Variants in STX8 observed in about 807,000 individuals in gnomAD.
The protein encoded by STX8 is syntaxin 8.
STX8 carries 23 observed loss-of-function variants against 37.5 expected under a neutral mutation model. The observed-to-expected ratio is 0.61, with a 90% CI of 0.44 to 0.87. The LOEUF (loss-of-function observed/expected upper bound fraction) is 0.87, where lower values mean the gene tolerates loss of function less well. Among genes scored for constraint, STX8 ranks in the 40% least tolerant of loss-of-function variants. STX8 has a pLI of 0.00. For synonymous variants in STX8, 115 were observed against 99.1 expected, an observed-to-expected ratio of 1.16 and a Z score of -0.95; for missense variants, 313 against 284.7, an observed-to-expected ratio of 1.10 and a Z score of -0.71.
chr17:9,341,539 C>T (rs534003578), intron 7 of STX8, among the ~76,000 whole-genome samples: 15 of 152,160 alleles, frequency 9.9e-5, no homozygotes, highest in Non-Finnish European at 2.1e-4. Context: ...TGGGTTCAAG[C>T]GATTCTCCTG....
chr17:9,319,597 G>C (rs533251751), intron 7 of STX8, among the ~76,000 whole-genome samples: 8 of 152,238 alleles, frequency 5.3e-5, no homozygotes, highest in Admixed American at 1.3e-4. Context: ...GAAGCCAGAG[G>C]GTTTGAGGAT....
In STX8 at chr17:9,380,082, G is replaced by A. The variant is rs183350743; in HGVS notation, c.542-1429C>T. Among the ~76,000 whole-genome samples, 411 of 151,926 alleles carry A rather than the reference G, an allele frequency of 2.7e-3. 3 individuals are homozygous for A. The highest frequency in any genetic ancestry group is 9.5e-3 in the African/African-American group (393 of 41,438). ...TAAAATAGCATATATAGTATAGTAC[G>A]ATCTTAACTATGTAAAATTATTTGT... On this transcript the variant is annotated intron_variant, in intron 6 of 7. Transcript: ENST00000306357.
At chr17:9,518,641 G>T (rs1263653850) in intron 4 of STX8, among the ~76,000 whole-genome samples, 1 of 152,100 alleles carries the variant, frequency 6.6e-6, no homozygotes, top group Non-Finnish European at 1.5e-5. Flanking sequence ...GGCCGAGGCG[G>T]GTAGATCACG....
chr17:9,317,270 C>T lies in STX8; in HGVS notation c.643+61282G>A, dbSNP rs910461445. ...GACTACTCAAATCAAGGAAGTAGTA[C>T]GGCCTAGAAAACACATGAGGAAGAG... On this transcript the variant is annotated intron_variant, in intron 7 of 7. Coordinates refer to ENST00000306357, the MANE Select transcript of STX8 (RefSeq NM_004853.3). 6.6e-5 allele frequency among the ~76,000 whole-genome samples: 10 copies of T among 152,154 alleles called. 1 individual carries two copies. In the East Asian group the frequency reaches 1.7e-3, roughly 26 times the overall value.
intron 7 of STX8, among the ~76,000 whole-genome samples, chr17:9,335,813 TCA>T (rs550377071): frequency 4.1e-5 from 6 of 147,132 alleles, no homozygotes; most frequent in African/African-American, 1.5e-4. Flanking sequence ...TCTCTCTCTC[TCA>T]CACACACACA....
At position 9,296,976 on chromosome 17, in the gene STX8, C is replaced by G. The variant is rs1203385200; in HGVS notation, c.644-46331G>C. Among the ~76,000 whole-genome samples, 4 of 152,118 alleles carry G rather than the reference C, an allele frequency of 2.6e-5. No homozygotes were observed. The East Asian group carries it at 7.7e-4, about 29-fold the overall frequency. ...ATATACAGAAAATTACATAAGCTGT[C>G]AAGAGACAAGCTCAATGAATTTACT... On this transcript the variant is annotated intron_variant, in intron 7 of 7. Coordinates refer to ENST00000306357, the MANE Select transcript of STX8 (RefSeq NM_004853.3).
chr17:9,566,129 A>G (rs1159254023), intron 2 of STX8, among the ~76,000 whole-genome samples: 2 of 152,196 alleles, frequency 1.3e-5, no homozygotes, highest in African/African-American at 2.4e-5. Context: ...CCACCCCATT[A>G]AAAAGCAGAC....
intron 1 of STX8, among the ~76,000 whole-genome samples, chr17:9,570,262 A>C (rs1287769689): frequency 2.6e-5 from 4 of 152,118 alleles, no homozygotes; most frequent in Admixed American, 6.6e-5. Context: ...TCTTACTAGA[A>C]TAATTATAGC....
chr17:9,317,990 T>A (rs78482761), intron 7 of STX8, among the ~76,000 whole-genome samples: 1 of 152,176 alleles, frequency 6.6e-6, no homozygotes, highest in Non-Finnish European at 1.5e-5. Flanking sequence ...GAGCTTCCCA[T>A]TGGCCTTTCT....
At chr17:9,573,261 G>T (rs1027466057) in intron 1 of STX8, among the ~76,000 whole-genome samples, 1 of 152,030 alleles carries the variant, frequency 6.6e-6, no homozygotes, top group African/African-American at 2.4e-5. Context: ...CGTCAATACA[G>T]ACCTTAAGTC....
chr17:9,258,325 C>T (rs1460437443), intron 7 of STX8, among the ~76,000 whole-genome samples: 4 of 152,256 alleles, frequency 2.6e-5, no homozygotes, highest in South Asian at 2.1e-4. Context: ...TTTAATCCCA[C>T]GACTGGGCAA....
intron 1 of STX8, among the ~76,000 whole-genome samples, chr17:9,572,511 G>A (rs2151920253): frequency 6.6e-6 from 1 of 152,320 alleles, no homozygotes; most frequent in Admixed American, 6.5e-5. Context: ...CTGGGTTCAA[G>A]TGATTCTCCT....
chr17:9,300,802 T>A (rs1268268458), intron 7 of STX8, among the ~76,000 whole-genome samples: 3 of 151,794 alleles, frequency 2.0e-5, no homozygotes, highest in Non-Finnish European at 4.4e-5. Flanking sequence ...TATGTATTAG[T>A]TATGAGATGG....
intron 7 of STX8, among the ~76,000 whole-genome samples, chr17:9,288,475 C>T (rs1047836084): frequency 3.3e-5 from 5 of 151,696 alleles, no homozygotes; most frequent in African/African-American, 9.7e-5. Flanking sequence ...TCCTGGCTAA[C>T]GCGGTGAAAC....
intron 4 of STX8, among the ~76,000 whole-genome samples, chr17:9,532,456 A>G (rs572539514): frequency 6.6e-6 from 1 of 152,262 alleles, no homozygotes; most frequent in East Asian, 1.9e-4. Flanking sequence ...CCGTGCATGT[A>G]TCCTTGGATA....
rs1597634454 is a variant in STX8, at chr17:9,378,670, C to A, written c.542-17G>T. 1.3e-6 allele frequency: 2 copies of A among 1,580,768 alleles called. No individual in the cohort carries two copies. The highest frequency in any genetic ancestry group is 1.7e-6 in the Non-Finnish European group (2 of 1,150,098). On this transcript the variant is annotated splice_polypyrimidine_tract_variant and intron_variant, in intron 6 of 7. Coordinates refer to ENST00000306357, the MANE Select transcript of STX8 (RefSeq NM_004853.3). ...CAATTATCTCTAGAAAGGAAACATACATGATTACTATTCCTGAAATACCCC... is the reference window on the plus strand; with the variant it reads ...CAATTATCTCTAGAAAGGAAACATAAATGATTACTATTCCTGAAATACCCC...
rs138545935 is a variant in STX8, at chr17:9,400,640, G to A, written c.542-21987C>T. 6.3e-3 allele frequency among the ~76,000 whole-genome samples: 942 copies of A among 150,660 alleles called. 18 individuals are homozygous for A. The highest frequency in any genetic ancestry group is 0.022 in the African/African-American group (894 of 40,936). ...GGCTGGTCTCAAACTTCCAACTTCA[G>A]GTGATCCGCCTGCCTTGGCCTCCCA... On this transcript the variant is annotated intron_variant, in intron 6 of 7. Transcript: ENST00000306357.
At chr17:9,307,869 T>A (rs1347658139) in intron 7 of STX8, among the ~76,000 whole-genome samples, 1 of 151,872 alleles carries the variant, frequency 6.6e-6, no homozygotes, top group Non-Finnish European at 1.5e-5. Context: ...AGAACTCTTC[T>A]CCCCCAAAAG....
intron 5 of STX8, among the ~76,000 whole-genome samples, chr17:9,495,941 T>C (rs1904381974): frequency 6.6e-6 from 1 of 152,164 alleles, no homozygotes. Flanking sequence ...TAGTCTCAGC[T>C]ATTCGGGAGG....
Sources: gnomAD v4.1 joint callset for allele counts (sites outside exome capture counted in the v4.1 genomes callset) on GRCh38, gnomAD v4.1.1 for gene constraint, MANE v1.5 for transcripts, NCBI Gene and HGNC (gene_info 2026-07-23, HGNC 2026-07-21) for gene names.